HMCN1: variants seen among roughly 807,000 people sequenced by gnomAD.
The protein encoded by HMCN1 is hemicentin-1.
In HMCN1, 321 loss-of-function variants were observed where a neutral mutation model predicts 625.9. The observed-to-expected ratio is 0.51, with a 90% CI of 0.47 to 0.56. The LOEUF (loss-of-function observed/expected upper bound fraction) is 0.56, where lower values mean the gene tolerates loss of function less well. Ranked by LOEUF, HMCN1 falls within the 20% of genes least tolerant of loss-of-function variation. The probability of loss-of-function intolerance (pLI) is 0.00; values close to 1 mark genes in which losing one functional copy is unlikely to be tolerated. For missense variants in HMCN1, 6,588 were observed against 6,887.3 expected, an observed-to-expected ratio of 0.96 and a Z score of 1.54; for synonymous variants, 2,425 against 2,417.6, an observed-to-expected ratio of 1.00 and a Z score of -0.09.
chr1:185,867,224 T>C (rs1472588168), intron 4 of HMCN1, among the ~76,000 whole-genome samples: 1 of 152,202 alleles, frequency 6.6e-6, no homozygotes, highest in Non-Finnish European at 1.5e-5. Context: ...CTTAGGTTTA[T>C]ATTGTGTGCA....
At chr1:186,130,156 GT>G in intron 84 of HMCN1, 56 bp downstream of exon 84, 6 of 1,607,492 alleles carry the variant, frequency 3.7e-6, no homozygotes, top group Non-Finnish European at 8.5e-7. Flanking sequence ...AATAGTTCAA[GT>G]TTTGCTTCTT....
chr1:186,080,761 A>C (rs968281877), intron 55 of HMCN1, among the ~76,000 whole-genome samples: 3 of 152,152 alleles, frequency 2.0e-5, no homozygotes, highest in Non-Finnish European at 4.4e-5. Flanking sequence ...TTCCTTTCCA[A>C]ATAAGGCCAA....
At chr1:185,909,251 T>C in intron 4 of HMCN1, 86 bp from the exon 5 acceptor site, 2 of 1,022,720 alleles carry the variant, frequency 2.0e-6, no homozygotes, top group Non-Finnish European at 3.1e-6. Context: ...CGGAGTCATT[T>C]GATCACCCAA....
intron 1 of HMCN1, among the ~76,000 whole-genome samples, chr1:185,777,613 A>G (rs984671177): frequency 2.0e-5 from 3 of 151,900 alleles, no homozygotes; most frequent in African/African-American, 7.3e-5. Flanking sequence ...CACCACACCC[A>G]GCTAATTTTT....
rs1665964462 is a variant in HMCN1 at position 185,904,154 on chromosome 1, C to T, written c.622-5183C>T. ...TCTCTGAGTTCCTCCATCATATTCC[C>T]ACCTGGGTGCTCAATAAATGCTTAG... On this transcript the variant is annotated intron_variant, in intron 4 of 106. Coordinates refer to ENST00000271588, the MANE Select transcript of HMCN1 (RefSeq NM_031935.3). Among the ~76,000 whole-genome samples the T allele has an allele frequency of 2.6e-5, 4 of 151,902 alleles. No homozygotes were observed. The South Asian group carries it at 8.3e-4, about 32-fold the overall frequency.
chr1:185,984,455 C>A, intron 19 of HMCN1, 142 bp downstream of exon 19: 1 of 892,422 alleles, frequency 1.1e-6, no homozygotes. Flanking sequence ...ACAATATCTA[C>A]ATTGTTAATG....
intron 1 of HMCN1, among the ~76,000 whole-genome samples, chr1:185,777,302 G>T (rs1427671937): frequency 6.6e-6 from 1 of 152,082 alleles, no homozygotes; most frequent in Non-Finnish European, 1.5e-5. Context: ...ACCTCTATAA[G>T]GTATCATTCA....
At chr1:185,931,886 A>T (rs1667570392) in intron 10 of HMCN1, among the ~76,000 whole-genome samples, 1 of 152,226 alleles carries the variant, frequency 6.6e-6, no homozygotes, top group Non-Finnish European at 1.5e-5. Flanking sequence ...TGAACTATTA[A>T]TTTCACTAAA....
chr1:186,176,187 A>G (rs1330682651), intron 103 of HMCN1, among the ~76,000 whole-genome samples: 1 of 152,190 alleles, frequency 6.6e-6, no homozygotes, highest in Non-Finnish European at 1.5e-5. Context: ...TGGTGAGTTT[A>G]TATCTTAGTA....
chr1:185,882,984 T>G (rs959815764), intron 4 of HMCN1, among the ~76,000 whole-genome samples: 1 of 152,070 alleles, frequency 6.6e-6, no homozygotes, highest in African/African-American at 2.4e-5. Flanking sequence ...TGATCTCTAT[T>G]ATAGTGCCAG....
chr1:185,945,037 G>A (rs1295636951), intron 11 of HMCN1, among the ~76,000 whole-genome samples: 4 of 152,136 alleles, frequency 2.6e-5, no homozygotes, highest in Non-Finnish European at 5.9e-5. Context: ...GATATTTGTT[G>A]TATATAATAA....
chr1:186,076,557 C>T lies in HMCN1; in HGVS notation c.8420C>T (p.Pro2807Leu). 1 of 1,613,834 alleles carries T rather than the reference C, an allele frequency of 6.2e-7. No homozygotes were observed. The highest frequency in any genetic ancestry group is 2.2e-5 in the East Asian group (1 of 44,858). The change falls in exon 54 of 107, where the codon CCT becomes CTT. Residue 2807 changes from proline (P) to leucine (L), a missense_variant. This residue lies in a region of HMCN1 where 4,628 missense variants were observed against 4,853.1 expected (regional missense o/e 0.95). Coordinates refer to ENST00000271588, the MANE Select transcript of HMCN1 (RefSeq NM_031935.3). ...LYCETNAAPP[P>L]TLTWYKDGHP... is the part of the protein sequence containing the mutation. ...TGTGAGACAAATGCTGCTCCCCCTC[C>T]TACACTGACATGGTACAAAGATGGC...
intron 1 of HMCN1, among the ~76,000 whole-genome samples, chr1:185,840,687 T>G (rs1661423778): frequency 6.6e-6 from 1 of 152,188 alleles, no homozygotes; most frequent in African/African-American, 2.4e-5. Flanking sequence ...AGCTTGCTGT[T>G]TTTTAAGTTT....
intron 4 of HMCN1, among the ~76,000 whole-genome samples, chr1:185,867,000 A>G (rs1358039776): frequency 6.6e-6 from 1 of 152,108 alleles, no homozygotes; most frequent in Non-Finnish European, 1.5e-5. Context: ...ATTTCATGAC[A>G]GACTCCTTTG....
chr1:185,842,546 A>AG (rs1661539935), intron 1 of HMCN1, among the ~76,000 whole-genome samples: 1 of 151,884 alleles, frequency 6.6e-6, no homozygotes, highest in South Asian at 2.1e-4. Context: ...CCTGGGCAAC[A>AG]TAATGAGACC....
chr1:186,095,736 A>C (rs1022670), intron 68 of HMCN1, among the ~76,000 whole-genome samples: 2 of 151,838 alleles, frequency 1.3e-5, no homozygotes, highest in African/African-American at 4.8e-5. Context: ...AAAGATGAAA[A>C]CTCCAGCTTG....
chr1:185,933,894 C>A, intron 11 of HMCN1, 70 bp downstream of exon 11: 5 of 1,372,484 alleles, frequency 3.6e-6, no homozygotes, highest in Admixed American at 3.4e-5. Context: ...TTTGTCCTCC[C>A]AAGTTGGCTA....
chr1:186,023,881 A>G (rs1241592492), intron 36 of HMCN1, among the ~76,000 whole-genome samples: 4 of 152,208 alleles, frequency 2.6e-5, no homozygotes, highest in Admixed American at 6.5e-5. Flanking sequence ...ATGTCCTAGC[A>G]CCTAGCTTAA....
chr1:186,121,006 G>C (rs1335223779), intron 80 of HMCN1, among the ~76,000 whole-genome samples: 3 of 152,192 alleles, frequency 2.0e-5, no homozygotes, highest in Admixed American at 6.5e-5. Flanking sequence ...GGTTAGGATA[G>C]GTTTCTCTGA....
Sources: allele counts gnomAD v4.1 joint callset (sites outside exome capture counted in the v4.1 genomes callset), GRCh38; gene constraint gnomAD v4.1.1; regional missense constraint gnomAD v4.1.1; transcripts MANE v1.5; gene names NCBI Gene and HGNC (gene_info 2026-07-23, HGNC 2026-07-21).